Variants in NEU3 observed in about 807,000 individuals in gnomAD.
The protein encoded by NEU3 is neuraminidase 3.
NEU3 carries 10 observed loss-of-function variants against 11.4 expected under a neutral mutation model. The observed-to-expected ratio is 0.88, with a 90% CI of 0.54 to 1.49. NEU3 has a LOEUF of 1.49. NEU3 is among the 40% of genes most tolerant of loss of function. The probability of loss-of-function intolerance (pLI) is 0.00; values close to 1 mark genes in which losing one functional copy is unlikely to be tolerated. For synonymous variants in NEU3, 212 were observed against 228.2 expected, an observed-to-expected ratio of 0.93 and a Z score of 0.64; for missense variants, 529 against 581.8, an observed-to-expected ratio of 0.91 and a Z score of 0.93.
chr11:74,995,357 TAAGTG>T (rs1733051603), intron 2 of NEU3, among the ~76,000 whole-genome samples: 1 of 152,218 alleles, frequency 6.6e-6, no homozygotes, highest in African/African-American at 2.4e-5. Flanking sequence ...ACGCGTCTAA[TAAGTG>T]GGAGAACTGG....
At chr11:74,997,872 A>G (rs1317290370) in intron 2 of NEU3, among the ~76,000 whole-genome samples, 1 of 152,078 alleles carries the variant, frequency 6.6e-6, no homozygotes, top group African/African-American at 2.4e-5. Flanking sequence ...CAAAAAAAAA[A>G]AAGAACTTTT....
At chr11:74,981,073 GCTGT>G in the NEU3 span, among the ~76,000 whole-genome samples, 19 of 152,320 alleles carry the variant, frequency 1.2e-4, no homozygotes, top group African/African-American at 3.6e-4. Flanking sequence ...CAACTGTTGG[GCTGT>G]CTTACAGCCA....
chr11:75,000,776 A>AATTTATTTATTTATTTATTTATTT (rs61008511), intron 2 of NEU3, among the ~76,000 whole-genome samples: 1 of 134,494 alleles, frequency 7.4e-6, no homozygotes, highest in Admixed American at 7.6e-5. Flanking sequence ...ATACCCAGCT[A>AATTTATTTATTTATTTATTTATTT]ATTTATTTAT....
At chr11:75,003,312 CT>C (rs1309299894) in intron 2 of NEU3, among the ~76,000 whole-genome samples, 40 of 152,326 alleles carry the variant, frequency 2.6e-4, no homozygotes, top group African/African-American at 9.6e-4. Flanking sequence ...CTTTCAGTTA[CT>C]TCTTTGAGAA....
At chr11:74,995,054 G>T in intron 2 of NEU3, 1 of 564,372 alleles carries the variant, frequency 1.8e-6, no homozygotes. Flanking sequence ...TGACTCCAGA[G>T]ACCTCCACAG....
intron 1 of NEU3, chr11:74,989,847 C>A (rs1948711052): frequency 6.3e-6 from 4 of 637,048 alleles, no homozygotes; most frequent in South Asian, 1.8e-5. Context: ...AGTAAGAAAG[C>A]GGGAAGGACT....
chr11:75,016,642 A>C (rs1457268053), intron 3 of NEU3, among the ~76,000 whole-genome samples: 2 of 152,208 alleles, frequency 1.3e-5, no homozygotes, highest in Non-Finnish European at 1.5e-5. Flanking sequence ...GGAGAAGCAG[A>C]GATCCTTCAA....
intron 2 of NEU3, among the ~76,000 whole-genome samples, chr11:75,002,034 C>G (rs539007850): frequency 6.6e-6 from 1 of 152,278 alleles, no homozygotes; most frequent in African/African-American, 2.4e-5. Flanking sequence ...ACTAGATAAC[C>G]CTTATGGTCC....
chr11:75,006,401 T>G lies in NEU3; in HGVS notation c.1295T>G (p.Phe432Cys). 2.5e-6 allele frequency: 4 copies of G among 1,613,936 alleles called. No individual in the cohort carries two copies. Among genetic ancestry groups the G allele is most frequent in the Non-Finnish European group, 3.4e-6 (4 of 1,179,876 alleles). Residue 432 changes from phenylalanine to cysteine, a missense_variant, in exon 3 of 3, where the codon TTC becomes TGC. Physicochemically the swap from Phe to Cys is radical, Grantham distance 205 (BLOSUM62 -2). Transcript: ENST00000294064. ...AAGCAAGAGTGTGAGCAGATTGCCT[T>G]CCGCCTGTTTACACACCGGGAGATC... ...GTKQECEQIA[F>C]RLFTHREILS...
Position 74,990,862 on chromosome 11 carries a change from T to A in NEU3, c.94+1708T>A, listed in dbSNP as rs532488749. 2.6e-5 allele frequency among the ~76,000 whole-genome samples: 4 copies of A among 152,328 alleles called. No individual in the cohort carries two copies. The South Asian group carries it at 8.3e-4, about 32-fold the overall frequency. ...CAATAAAGGGGGATTTAAATGTTTT[T>A]AAGAAAGGGAGTTGTAATTGTTATT... On this transcript the variant is annotated intron_variant, in intron 1 of 2. Coordinates refer to ENST00000294064, the MANE Select transcript of NEU3 (RefSeq NM_006656.6).
Position 75,008,626 on chromosome 11 carries a change from C to T in NEU3, c.*2134C>T, listed in dbSNP as rs1425053870. On this transcript the variant is annotated 3_prime_UTR_variant, in exon 3 of 3. Coordinates refer to ENST00000294064, the MANE Select transcript of NEU3 (RefSeq NM_006656.6). ...CTGGAGTACAGTGGCACAATCTCAG[C>T]TCACTGCAGTCTCCGCCTCCTGGGT... The T allele has an allele frequency of 6.6e-6, 1 of 150,978 alleles. No homozygotes were observed. Among genetic ancestry groups the T allele is most frequent in the Admixed American group, 6.6e-5 (1 of 15,156 alleles). 9.4% of individuals were successfully genotyped at this position (150,978 alleles called of 1,614,324 possible). A position where few individuals can be genotyped will look rare whatever the true frequency, so the allele number is the denominator to read the frequency against.
upstream of NEU3, among the ~76,000 whole-genome samples, chr11:74,983,555 G>C (rs181306140): frequency 2.3e-3 from 349 of 152,278 alleles, 3 homozygotes; most frequent in Middle Eastern, 6.8e-3. Context: ...AAACAACAGC[G>C]GCCAGAGGAG....
Position 75,005,511 on chromosome 11 carries a change from G to A in NEU3, c.405G>A (p.Leu135=), listed in dbSNP as rs1214923955. 2 of 1,613,972 alleles carry A rather than the reference G, an allele frequency of 1.2e-6. No homozygotes were observed. Among genetic ancestry groups the A allele is most frequent in the Non-Finnish European group, 1.7e-6 (2 of 1,179,882 alleles). The stretch of plus-strand genomic sequence containing the variant: ...AGCAGAAGAGTGGTTGTGTGTTCCT[G>A]TTCTTCATCTGTGTGCGGGGCCATG... The part of the protein sequence containing the change: ...VWEQKSGCVF[L]FFICVRGHVT... Residue 135 remains leucine, a synonymous_variant, in exon 3 of 3, where the codon CTG becomes CTA. Transcript: ENST00000294064.
upstream of NEU3, among the ~76,000 whole-genome samples, chr11:74,983,864 C>T (rs899226477): frequency 1.3e-5 from 2 of 152,178 alleles, no homozygotes; most frequent in African/African-American, 2.4e-5. Context: ...AATACAGAAA[C>T]TTGAGAATGC....
chr11:74,992,386 A>G (rs1948742650), intron 1 of NEU3, among the ~76,000 whole-genome samples: 1 of 152,228 alleles, frequency 6.6e-6, no homozygotes, highest in Non-Finnish European at 1.5e-5. Context: ...TCTTCTCAGC[A>G]TCTATTTTAG....
intron 2 of NEU3, among the ~76,000 whole-genome samples, chr11:74,998,494 T>C (rs1384439106): frequency 6.6e-6 from 1 of 152,220 alleles, no homozygotes; most frequent in Non-Finnish European, 1.5e-5. Flanking sequence ...TTTGAGAGTC[T>C]TTTGTAAAAA....
chr11:75,006,496 G>T lies in NEU3; in HGVS notation c.*4G>T. 6.3e-7 allele frequency: 1 copy of T among 1,597,624 alleles called. No individual in the cohort carries two copies. Among genetic ancestry groups the T allele is most frequent in the Non-Finnish European group, 8.5e-7 (1 of 1,171,050 alleles). ...AAGCCAATTCAAAAGCAATTAATTG[G>T]CTTAGGACCCAATTTCCATAGATGC... is the stretch of plus-strand genomic sequence containing the variant. On this transcript the variant is annotated 3_prime_UTR_variant, in exon 3 of 3. Coordinates refer to ENST00000294064, the MANE Select transcript of NEU3 (RefSeq NM_006656.6).
chr11:74,988,797 G>A (rs576449099), upstream of NEU3: 109 of 514,084 alleles, frequency 2.1e-4, no homozygotes, highest in Non-Finnish European at 3.2e-4. Flanking sequence ...TGGGGACCGA[G>A]CTGCGGGCTG....
chr11:75,006,272 G>T lies in NEU3; in HGVS notation c.1166G>T (p.Cys389Phe). The T allele has an allele frequency of 6.2e-7, 1 of 1,614,016 alleles. No individual in the cohort carries two copies. Among genetic ancestry groups the T allele is most frequent in the Non-Finnish European group, 8.5e-7 (1 of 1,179,892 alleles). The change falls in exon 3 of 3, where the codon TGC becomes TTC. Residue 389 changes from cysteine (C) to phenylalanine (F), a missense_variant. Physicochemically the swap from Cys to Phe is radical, Grantham distance 205. Transcript: ENST00000294064. ...AACCAGACCCCCTTGGAGGCTGCCT[G>T]CTGGTCCCGCCCCTGGATCTTGCAC... The part of the protein sequence containing the change: ...YLNQTPLEAA[C>F]WSRPWILHCG...
Sources: gnomAD v4.1 joint callset for allele counts (sites outside exome capture counted in the v4.1 genomes callset) on GRCh38, gnomAD v4.1.1 for gene constraint, MANE v1.5 for transcripts, NCBI Gene and HGNC (gene_info 2026-07-23, HGNC 2026-07-21) for gene names.